Variants in LIPA observed in about 807,000 individuals in gnomAD.
The protein encoded by LIPA is lipase A, lysosomal acid type, also known as lysosomal acid lipase/cholesteryl ester hydrolase.
LIPA carries 26 observed loss-of-function variants against 40.6 expected under a neutral mutation model. The observed-to-expected ratio is 0.64, with a 90% CI of 0.47 to 0.89. The LOEUF (loss-of-function observed/expected upper bound fraction) is 0.89. Ranked by LOEUF, LIPA falls within the 40% of genes least tolerant of loss-of-function variation. The pLI is 0.00. For synonymous variants in LIPA, 188 were observed against 168.4 expected (o/e 1.12, Z -0.90); for missense variants, 455 against 479.6 (o/e 0.95, Z 0.48).
chr10:89,413,784 C>A lies in LIPA; in HGVS notation c.-72+623G>T, dbSNP rs202073889. 5.7e-3 allele frequency among the ~76,000 whole-genome samples: 434 copies of A among 76,126 alleles called. 12 individuals are homozygous for A. The highest frequency in any genetic ancestry group is 0.017 in the African/African-American group (325 of 19,152). The allele number at this position is 76,126 out of a possible 152,430, so 49.9% of individuals were successfully genotyped here. A position where few individuals can be genotyped will look rare whatever the true frequency, so the allele number is the denominator to read the frequency against. ...CCTGTCTCAAAAAAAAAAAAAAAACCAAAATCAATGCAAAAGATGAATTAT... is the reference window on the plus strand; with the variant it reads ...CCTGTCTCAAAAAAAAAAAAAAAACAAAAATCAATGCAAAAGATGAATTAT... On this transcript the variant is annotated intron_variant, in intron 1 of 8. Transcript: ENST00000371837.
rs1184293256 is a variant in LIPA at position 89,214,706 on chromosome 10, T to A, written c.*122A>T. 1.5e-6 allele frequency: 1 copy of A among 674,170 alleles called. No individual in the cohort carries two copies. Among genetic ancestry groups the A allele is most frequent in the Non-Finnish European group, 2.6e-6 (1 of 383,688 alleles). The allele number at this position is 674,170 out of a possible 1,614,324, so 41.8% of individuals were successfully genotyped here. A position where few individuals can be genotyped will look rare whatever the true frequency, so the allele number is the denominator to read the frequency against. ...ACTGGGCATCTTCAAAGTTATCATT[T>A]TCTTGGATATAAAAAAACAAAAGAC... On this transcript the variant is annotated 3_prime_UTR_variant, in exon 10 of 10. Coordinates refer to ENST00000336233, the MANE Select transcript of LIPA (RefSeq NM_000235.4).
intron 1 of LIPA, among the ~76,000 whole-genome samples, chr10:89,273,098 C>T (rs1320152414): frequency 6.6e-6 from 1 of 152,186 alleles, no homozygotes; most frequent in African/African-American, 2.4e-5. Flanking sequence ...CAACCTTGTG[C>T]CCTGTCTTAG....
chr10:89,395,856 T>C (rs979643689), intron 2 of LIPA, among the ~76,000 whole-genome samples: 3 of 152,208 alleles, frequency 2.0e-5, no homozygotes, highest in Admixed American at 2.0e-4. Context: ...TTTGGATCAG[T>C]TTTTTTCATT....
chr10:89,354,644 T>C (rs1372887068), intron 2 of LIPA, among the ~76,000 whole-genome samples: 1 of 152,214 alleles, frequency 6.6e-6, no homozygotes, highest in African/African-American at 2.4e-5. Context: ...CTCGGCTCAA[T>C]GCAACCTCTG....
At chr10:89,225,818 A>G (rs112593248) in intron 5 of LIPA, among the ~76,000 whole-genome samples, 347 of 151,894 alleles carry the variant, frequency 2.3e-3, no homozygotes, top group African/African-American at 7.8e-3. Flanking sequence ...TTCCCCCCAT[A>G]CTGTTCTTGT....
At chr10:89,226,074 C>G (rs957795759) in intron 5 of LIPA, among the ~76,000 whole-genome samples, 1 of 152,160 alleles carries the variant, frequency 6.6e-6, no homozygotes, top group African/African-American at 2.4e-5. Flanking sequence ...CCCTCTCTGA[C>G]GTCTTGCCAC....
At chr10:89,259,427 G>A (rs1019051589) in intron 1 of LIPA, among the ~76,000 whole-genome samples, 10 of 152,320 alleles carry the variant, frequency 6.6e-5, no homozygotes, top group Admixed American at 6.5e-4. Flanking sequence ...AAAAGTGTTG[G>A]CAAGGATGTG....
intron 1 of LIPA, among the ~76,000 whole-genome samples, chr10:89,282,402 C>A (rs1843320414): frequency 6.6e-6 from 1 of 152,214 alleles, no homozygotes; most frequent in African/African-American, 2.4e-5. Flanking sequence ...CTTTGGGAGG[C>A]TGAGGCAGGC....
At chr10:89,266,880 G>A (rs1589583328) in intron 1 of LIPA, among the ~76,000 whole-genome samples, 2 of 152,228 alleles carry the variant, frequency 1.3e-5, no homozygotes, top group Non-Finnish European at 2.9e-5. Context: ...ATTATTCTGA[G>A]ATAGCAGCAT....
At chr10:89,384,658 T>C (rs146495283) in intron 2 of LIPA, 32 of 1,614,080 alleles carry the variant, frequency 2.0e-5, no homozygotes, top group Non-Finnish European at 2.5e-5. Context: ...TATCCACAAA[T>C]TGAAAGGAGA....
intron 1 of LIPA, among the ~76,000 whole-genome samples, chr10:89,414,246 G>A (rs1049929553): frequency 2.6e-5 from 4 of 152,124 alleles, no homozygotes; most frequent in African/African-American, 9.7e-5. Context: ...AGACTGGAGT[G>A]GAAGCAGGGA....
chr10:89,262,170 G>A (rs1165725871), intron 1 of LIPA, among the ~76,000 whole-genome samples: 1 of 152,114 alleles, frequency 6.6e-6, no homozygotes, highest in Non-Finnish European at 1.5e-5. Flanking sequence ...TATTCCCTAT[G>A]GGAAAGCATA....
At chr10:89,392,127 C>A (rs1844260336) in intron 2 of LIPA, among the ~76,000 whole-genome samples, 1 of 152,158 alleles carries the variant, frequency 6.6e-6, no homozygotes, top group Non-Finnish European at 1.5e-5. Flanking sequence ...TTGCTTATTT[C>A]CGTCAAGCTG....
intron 1 of LIPA, chr10:89,332,552 T>C (rs1478400546): frequency 2.5e-6 from 4 of 1,613,660 alleles, no homozygotes; most frequent in African/African-American, 1.3e-5. Context: ...CAGCATTTGC[T>C]TGGAATCAGT....
At chr10:89,402,200 T>C in intron 2 of LIPA, 1 of 875,630 alleles carries the variant, frequency 1.1e-6, no homozygotes, top group Non-Finnish European at 1.8e-6. Flanking sequence ...GGATAAGCAC[T>C]AAAATACAAG....
At chr10:89,347,097 T>C (rs1040089140), upstream of LIPA, among the ~76,000 whole-genome samples, 6 of 152,352 alleles carry the variant, frequency 3.9e-5, no homozygotes, top group Non-Finnish European at 8.8e-5. Context: ...CATATGGTCA[T>C]ACTCACAGCT....
At chr10:89,386,683 T>C (rs1198742463) in intron 2 of LIPA, among the ~76,000 whole-genome samples, 1 of 152,224 alleles carries the variant, frequency 6.6e-6, no homozygotes, top group African/African-American at 2.4e-5. Flanking sequence ...TAATTGTTAG[T>C]AAACTGACAA....
intron 2 of LIPA, among the ~76,000 whole-genome samples, chr10:89,353,212 T>C (rs539814594): frequency 2.2e-4 from 34 of 152,232 alleles, no homozygotes; most frequent in African/African-American, 8.2e-4. Context: ...ATACCTGAAA[T>C]TGGTAATCAG....
chr10:89,247,379 C>CAAAAAAAAAAAAA (rs71022556), intron 2 of LIPA, among the ~76,000 whole-genome samples, 159 bp downstream of exon 2: 1 of 75,448 alleles, frequency 1.3e-5, no homozygotes, highest in Non-Finnish European at 2.4e-5. Flanking sequence ...GACTCTGCCT[C>CAAAAAAAAAAAAA]AAAAAAAAAA....
Sources: gnomAD v4.1 joint callset for allele counts (sites outside exome capture counted in the v4.1 genomes callset) on GRCh38, gnomAD v4.1.1 for gene constraint, MANE v1.5 for transcripts, NCBI Gene and HGNC (gene_info 2026-07-23, HGNC 2026-07-21) for gene names.